Variants in OSBPL3 observed in about 807,000 individuals in gnomAD.
OSBPL3 encodes oxysterol binding protein like 3, also known as oxysterol-binding protein-related protein 3.
OSBPL3 carries 65 observed loss-of-function variants against 120.1 expected under a neutral mutation model. The observed-to-expected ratio is 0.54, with a 90% confidence interval of 0.44 to 0.67. OSBPL3 has a LOEUF of 0.67. Ranked by LOEUF, OSBPL3 falls within the 30% of genes least tolerant of loss-of-function variation. The pLI is 0.00. For missense variants in OSBPL3, 1,004 were observed against 1,082.1 expected (o/e 0.93, Z 1.01); for synonymous variants, 416 against 402.6 (o/e 1.03, Z -0.40).
chr7:24,828,982 G>A (rs1487692090), intron 16 of OSBPL3, among the ~76,000 whole-genome samples: 1 of 152,100 alleles, frequency 6.6e-6, no homozygotes, highest in African/African-American at 2.4e-5. Flanking sequence ...GTGCACATGT[G>A]CCCAGGAGCT....
At position 24,899,986 on chromosome 7, in the gene OSBPL3, A is replaced by G. The variant is rs1227995655; in HGVS notation, c.-149-7365T>C. 2.6e-5 allele frequency among the ~76,000 whole-genome samples: 4 copies of G among 152,338 alleles called. No homozygotes were observed. The highest frequency in any genetic ancestry group is 1.9e-4 in the East Asian group (1 of 5,186). On this transcript the variant is annotated intron_variant, in intron 1 of 22. Coordinates refer to ENST00000313367, the MANE Select transcript of OSBPL3 (RefSeq NM_015550.4). This position sits in a 1 kb window ranked among gnomAD's most constrained non-coding sequence, Gnocchi z 4.0. The stretch of plus-strand genomic sequence containing the variant: ...TTTCAACCTTTCTTATTTGACTCCA[A>G]GCCAATCCTTCTATTTGTGTATGTG...
In OSBPL3 at chr7:24,947,397, T is replaced by C. The variant is rs1173751497; in HGVS notation, c.-150+32489A>G. Among the ~76,000 whole-genome samples, 2 of 152,204 alleles carry C rather than the reference T, an allele frequency of 1.3e-5. No individual in the cohort carries two copies. The highest frequency in any genetic ancestry group is 2.4e-5 in the African/African-American group (1 of 41,456). On this transcript the variant is annotated intron_variant, in intron 1 of 22. Coordinates refer to ENST00000313367, the MANE Select transcript of OSBPL3 (RefSeq NM_015550.4). This position sits in a 1 kb window ranked among gnomAD's most constrained non-coding sequence, Gnocchi z 4.4. The stretch of plus-strand genomic sequence containing the variant: ...ACAGAAGGAATCAGCTCACAGCATG[T>C]GTGCAGCCTGGCTTTACCCAGGCAC...
At chr7:24,884,830 T>C (rs947090317) in intron 2 of OSBPL3, among the ~76,000 whole-genome samples, 1 of 152,146 alleles carries the variant, frequency 6.6e-6, no homozygotes, top group South Asian at 2.1e-4. Flanking sequence ...CCTCTCCTCT[T>C]CTATGATCAT....
At chr7:24,948,374 A>G (rs1199259914) in intron 1 of OSBPL3, among the ~76,000 whole-genome samples, 1 of 140,934 alleles carries the variant, frequency 7.1e-6, no homozygotes, top group African/African-American at 2.6e-5. Context: ...AGTCAAAGCA[A>G]GCAGATTTAC....
chr7:24,861,790 G>T, intron 9 of OSBPL3, 21 bp from the exon 10 acceptor site: 5 of 1,519,314 alleles, frequency 3.3e-6, no homozygotes, highest in Non-Finnish European at 4.4e-6. Context: ...ACCAAAGGGA[G>T]ATATTTCTTT....
chr7:24,844,403 T>C (rs2128210341), intron 12 of OSBPL3, among the ~76,000 whole-genome samples: 1 of 152,026 alleles, frequency 6.6e-6, no homozygotes, highest in African/African-American at 2.4e-5. Flanking sequence ...GCTCATCAGC[T>C]ATCATTAGTG....
chr7:24,888,315 T>C (rs1229755440), intron 2 of OSBPL3, among the ~76,000 whole-genome samples: 1 of 152,220 alleles, frequency 6.6e-6, no homozygotes, highest in African/African-American at 2.4e-5. Context: ...TTTTCATCCT[T>C]ACCACAATGC....
At chr7:24,850,357 G>C (rs558099443) in intron 11 of OSBPL3, among the ~76,000 whole-genome samples, 1 of 152,210 alleles carries the variant, frequency 6.6e-6, no homozygotes, top group South Asian at 2.1e-4. Context: ...AAGTTCTCCT[G>C]ACTGTCTTCC....
intron 16 of OSBPL3, among the ~76,000 whole-genome samples, chr7:24,825,876 C>T (rs1156242573): frequency 6.6e-6 from 1 of 152,236 alleles, no homozygotes; most frequent in Non-Finnish European, 1.5e-5. Context: ...CTTTTAATAA[C>T]TGCACTCAGC....
Position 24,806,199 on chromosome 7 carries a change from C to G in OSBPL3, c.2444+577G>C, listed in dbSNP as rs923044615. Among the ~76,000 whole-genome samples the G allele has an allele frequency of 3.9e-5, 6 of 152,224 alleles. No individual in the cohort carries two copies. The highest frequency in any genetic ancestry group is 7.3e-5 in the Non-Finnish European group (5 of 68,032). On this transcript the variant is annotated intron_variant, in intron 21 of 22. Transcript: ENST00000313367. This position sits in a 1 kb window ranked among gnomAD's most constrained non-coding sequence, Gnocchi z 5.2. ...CTTGAACTCCTGACTTCAAGTGATC[C>G]GCCCGCTTCGGCCTCCCAAAGTGTT... is the stretch of plus-strand genomic sequence containing the variant.
At position 24,852,694 on chromosome 7, in the gene OSBPL3, G is replaced by C. The variant is rs1341990626; in HGVS notation, c.1028-60C>G. The C allele has an allele frequency of 9.0e-7, 1 of 1,117,252 alleles. No individual in the cohort carries two copies. 69.2% of individuals were successfully genotyped at this position (1,117,252 alleles called of 1,614,324 possible). Reference sequence around the variant, plus strand: ...GAGGCATAATTAAAAACAAAATACAGAAAAAAACATATCTCTTATAAAAGA... The same window carrying C: ...GAGGCATAATTAAAAACAAAATACACAAAAAAACATATCTCTTATAAAAGA... On this transcript the variant is annotated intron_variant, in intron 10 of 22. Coordinates refer to ENST00000313367, the MANE Select transcript of OSBPL3 (RefSeq NM_015550.4). This position sits in a 1 kb window ranked among gnomAD's most constrained non-coding sequence, Gnocchi z 4.1.
At chr7:24,889,899 C>A (rs1805091575) in intron 2 of OSBPL3, among the ~76,000 whole-genome samples, 1 of 152,204 alleles carries the variant, frequency 6.6e-6, no homozygotes, top group Admixed American at 6.5e-5. Flanking sequence ...GCTATGCTGT[C>A]TGGGGCCTGG....
Position 24,899,682 on chromosome 7 carries a change from G to C in OSBPL3, c.-149-7061C>G, listed in dbSNP as rs1806691668. ...AAGGGCATGGAGGTCTCTGCAGCCTGACATTAATTTGTCTGTTAATTAGCA... is the reference window on the plus strand; with the variant it reads ...AAGGGCATGGAGGTCTCTGCAGCCTCACATTAATTTGTCTGTTAATTAGCA... On this transcript the variant is annotated intron_variant, in intron 1 of 22. Coordinates refer to ENST00000313367, the MANE Select transcript of OSBPL3 (RefSeq NM_015550.4). The surrounding 1 kb of genome is among the most constrained non-coding windows in gnomAD (Gnocchi z 4.0). Among the ~76,000 whole-genome samples, 1 of 152,162 alleles carries C rather than the reference G, an allele frequency of 6.6e-6. No homozygotes were observed. The highest frequency in any genetic ancestry group is 1.5e-5 in the Non-Finnish European group (1 of 68,030).
rs1803741858 is a variant in OSBPL3 at position 24,881,917 on chromosome 7, C to A, written c.97-9848G>T. Among the ~76,000 whole-genome samples the A allele has an allele frequency of 6.6e-6, 1 of 152,116 alleles. No homozygotes were observed. ...ATCTCTCTCTCCACCATCACATCAC[C>A]TTTTCCTCTATGTCTGTCTTCTCCC... On this transcript the variant is annotated intron_variant, in intron 2 of 22. Coordinates refer to ENST00000313367, the MANE Select transcript of OSBPL3 (RefSeq NM_015550.4). The surrounding 1 kb of genome is among the most constrained non-coding windows in gnomAD (Gnocchi z 4.3).
At chr7:24,890,473 C>T (rs1049534796) in intron 2 of OSBPL3, among the ~76,000 whole-genome samples, 1 of 152,098 alleles carries the variant, frequency 6.6e-6, no homozygotes, top group African/African-American at 2.4e-5. Flanking sequence ...TTTGTGAAGG[C>T]AGATTGGGTA....
chr7:24,965,843 G>A lies in OSBPL3; in HGVS notation c.-150+14043C>T, dbSNP rs148063657. On this transcript the variant is annotated intron_variant, in intron 1 of 22. Transcript: ENST00000313367. This position sits in a 1 kb window ranked among gnomAD's most constrained non-coding sequence, Gnocchi z 4.3. ...TGGGATTACAGGCATTAGCCACTGCGACGGACTCAACTCAAGTGTTTTACC... is the reference window on the plus strand; with the variant it reads ...TGGGATTACAGGCATTAGCCACTGCAACGGACTCAACTCAAGTGTTTTACC... 7.9e-5 allele frequency among the ~76,000 whole-genome samples: 12 copies of A among 152,232 alleles called. No homozygotes were observed. Among genetic ancestry groups the A allele is most frequent in the Non-Finnish European group, 1.5e-4 (10 of 68,016 alleles).
chr7:24,919,302 G>C (rs62450586), intron 1 of OSBPL3, among the ~76,000 whole-genome samples: 13,194 of 152,092 alleles, frequency 0.087, 767 homozygotes, highest in East Asian at 0.28. Flanking sequence ...CTAGCATAAA[G>C]ACAGACATAC....
rs1157611245 is a variant in OSBPL3 at position 24,804,271 on chromosome 7, G to A, written c.2567+44C>T. On this transcript the variant is annotated intron_variant, in intron 22 of 22. Coordinates refer to ENST00000313367, the MANE Select transcript of OSBPL3 (RefSeq NM_015550.4). The surrounding 1 kb of genome is among the most constrained non-coding windows in gnomAD (Gnocchi z 5.4). ...CTGCAAACCAGAAGCATAACGTGCT[G>A]GCACCACCTATCAACCAAAAACCTA... 2 of 1,611,960 alleles carry A rather than the reference G, an allele frequency of 1.2e-6. No individual in the cohort carries two copies. The highest frequency in any genetic ancestry group is 1.7e-5 in the Admixed American group (1 of 60,006).
At chr7:24,801,708 C>G (rs1792382442) in intron 22 of OSBPL3, among the ~76,000 whole-genome samples, 1 of 152,222 alleles carries the variant, frequency 6.6e-6, no homozygotes, top group African/African-American at 2.4e-5. Flanking sequence ...CTGTTTATGG[C>G]TGCTTTCAAT....
Sources: allele counts gnomAD v4.1 joint callset (sites outside exome capture counted in the v4.1 genomes callset), GRCh38; gene constraint gnomAD v4.1.1; non-coding constraint Gnocchi (gnomAD v3.1); transcripts MANE v1.5; gene names NCBI Gene and HGNC (gene_info 2026-07-23, HGNC 2026-07-21).